The following GRID2 variants were observed in gnomAD, a reference collection of about 807,000 sequenced individuals.
GRID2 encodes the protein glutamate ionotropic receptor delta type subunit 2, also known as glutamate receptor ionotropic, delta-2.
Under a neutral mutation model 114.8 loss-of-function variants are expected in GRID2, and 33 were observed. That is an observed-to-expected ratio of 0.29 (90% confidence interval 0.22 to 0.38). The LOEUF is 0.38. Among genes scored for constraint, GRID2 ranks in the 10% least tolerant of loss-of-function variants. The probability of loss-of-function intolerance (pLI) is 1.00; values close to 1 mark genes in which losing one functional copy is unlikely to be tolerated. For missense variants in GRID2, 1,184 were observed against 1,257.7 expected (o/e 0.94, Z 0.89); for synonymous variants, 505 against 449.9 (o/e 1.12, Z -1.55).
rs1216327324 is a variant in GRID2, at chr4:93,385,650, A to G, written c.1246-9957A>G. Among the ~76,000 whole-genome samples, 8 of 152,210 alleles carry G rather than the reference A, an allele frequency of 5.3e-5. No homozygotes were observed. In the East Asian group the frequency reaches 1.5e-3, roughly 29 times the overall value. On this transcript the variant is annotated intron_variant, in intron 8 of 15. Coordinates refer to ENST00000282020, the MANE Select transcript of GRID2 (RefSeq NM_001510.4). Reference sequence around the variant, plus strand: ...CGTAAGCTTCCCCTTTATAAATATCATTAATCCTTACTAATAATAATACTT... The same window carrying G: ...CGTAAGCTTCCCCTTTATAAATATCGTTAATCCTTACTAATAATAATACTT...
chr4:92,586,407 G>C (rs1048585284), intron 1 of GRID2, among the ~76,000 whole-genome samples: 85 of 146,850 alleles, frequency 5.8e-4, no homozygotes, highest in African/African-American at 2.0e-3. Flanking sequence ...CACACACACA[G>C]ACACCAAGCA....
At chr4:93,587,069 G>T (rs899900270) in intron 13 of GRID2, among the ~76,000 whole-genome samples, 2 of 151,978 alleles carry the variant, frequency 1.3e-5, no homozygotes, top group East Asian at 1.9e-4. Flanking sequence ...TAAAGACTTA[G>T]ATCTCTTCTC....
intron 1 of GRID2, among the ~76,000 whole-genome samples, chr4:93,786,365 G>A (rs1354774606): frequency 6.6e-6 from 1 of 152,150 alleles, no homozygotes; most frequent in Non-Finnish European, 1.5e-5. Context: ...TCCCAGGAGG[G>A]TGTTTGTTTG....
At position 92,399,655 on chromosome 4, in the gene GRID2, CTCTCTCTCTCTA is replaced by C. The variant is rs1487589147; in HGVS notation, c.88+94913_88+94924del. 2.4e-3 allele frequency among the ~76,000 whole-genome samples: 340 copies of C among 139,462 alleles called. 1 individual carries two copies. Among genetic ancestry groups the C allele is most frequent in the African/African-American group, 8.9e-3 (313 of 35,266 alleles). The allele number at this position is 139,462 out of a possible 152,430, so 91.5% of individuals were successfully genotyped here. ...AAAGCAGCTCTCTCTCTCTCTCTCT[CTCTCTCTCTCTA>C]TATATATATATATATATACATACAT... On this transcript the variant is annotated intron_variant, in intron 1 of 15. Transcript: ENST00000282020.
At chr4:93,031,032 A>AT (rs576187018) in intron 2 of GRID2, among the ~76,000 whole-genome samples, 2,260 of 106,188 alleles carry the variant, frequency 0.021, 62 homozygotes, top group Middle Eastern at 0.058. Context: ...TCCAATCTCC[A>AT]TTTTTTTTTT....
intron 1 of GRID2, among the ~76,000 whole-genome samples, chr4:92,391,751 G>T (rs1255964255): frequency 6.6e-6 from 1 of 152,080 alleles, no homozygotes; most frequent in Admixed American, 6.6e-5. Context: ...GATCTTTTTA[G>T]GTCCAACCCC....
rs562120053 is a variant in GRID2 at position 92,578,314 on chromosome 4, C to T, written c.89-11817C>T. Among the ~76,000 whole-genome samples, 8 of 131,830 alleles carry T rather than the reference C, an allele frequency of 6.1e-5. No individual in the cohort carries two copies. In the East Asian group the frequency reaches 2.0e-3, roughly 32 times the overall value. 86.5% of individuals were successfully genotyped at this position (131,830 alleles called of 152,430 possible). A position where few individuals can be genotyped will look rare whatever the true frequency, so the allele number is the denominator to read the frequency against. On this transcript the variant is annotated intron_variant, in intron 1 of 15. Coordinates refer to ENST00000282020, the MANE Select transcript of GRID2 (RefSeq NM_001510.4). ...CCCCAGAGTGTGATGTTCCCCTTCC[C>T]GTGTCCATGTGTTCTCATTGTTCAA... is the stretch of plus-strand genomic sequence containing the variant.
chr4:93,288,151 G>T (rs1366180804), intron 8 of GRID2, among the ~76,000 whole-genome samples: 1 of 152,094 alleles, frequency 6.6e-6, no homozygotes, highest in Non-Finnish European at 1.5e-5. Context: ...ATCCTTAAAT[G>T]ATGTTAAATT....
intron 2 of GRID2, among the ~76,000 whole-genome samples, chr4:92,721,967 T>C (rs1735828406): frequency 6.6e-6 from 1 of 152,174 alleles, no homozygotes; most frequent in Non-Finnish European, 1.5e-5. Flanking sequence ...TGAATCCTTG[T>C]ATCTCTATCA....
At chr4:92,372,440 A>G (rs1398188643) in intron 1 of GRID2, among the ~76,000 whole-genome samples, 9 of 152,326 alleles carry the variant, frequency 5.9e-5, no homozygotes, top group African/African-American at 1.7e-4. Context: ...AACCATTAAC[A>G]TTAAGGCCTG....
intron 2 of GRID2, among the ~76,000 whole-genome samples, chr4:93,013,714 AAG>A (rs968615174): frequency 2.0e-5 from 3 of 151,998 alleles, no homozygotes; most frequent in Non-Finnish European, 2.9e-5. Flanking sequence ...TATTTGCACA[AAG>A]AAGTTACTAG....
At chr4:93,162,511 A>T (rs1020011171) in intron 4 of GRID2, among the ~76,000 whole-genome samples, 1 of 151,892 alleles carries the variant, frequency 6.6e-6, no homozygotes, top group Admixed American at 6.6e-5. Context: ...TGTTTTCTTT[A>T]TATCAGTGTG....
intron 5 of GRID2, among the ~76,000 whole-genome samples, chr4:93,210,172 C>T (rs1560989964): frequency 1.3e-5 from 2 of 151,366 alleles, no homozygotes; most frequent in Non-Finnish European, 3.0e-5. Flanking sequence ...AAATATTTGC[C>T]CATTTATATG....
At chr4:93,377,022 G>T (rs1005481646) in intron 8 of GRID2, among the ~76,000 whole-genome samples, 1 of 152,018 alleles carries the variant, frequency 6.6e-6, no homozygotes, top group Non-Finnish European at 1.5e-5. Flanking sequence ...GTATGATAAT[G>T]GTGTCATGAT....
Position 92,304,601 on chromosome 4 carries a change from G to GAAA in GRID2, c.-46_-44dup. 13 of 1,039,618 alleles carry GAAA rather than the reference G, an allele frequency of 1.3e-5. No homozygotes were observed. Among genetic ancestry groups the GAAA allele is most frequent in the Non-Finnish European group, 1.7e-5 (12 of 707,510 alleles). 64.4% of individuals were successfully genotyped at this position (1,039,618 alleles called of 1,614,324 possible). On this transcript the variant is annotated 5_prime_UTR_variant, in exon 1 of 16. Coordinates refer to ENST00000282020, the MANE Select transcript of GRID2 (RefSeq NM_001510.4). ...TGACCTCAAACTCTTTGGACTGTTT[G>GAAA]AAAAAAAAAAAATTGGAAGAAAATC...
At chr4:93,426,934 G>A (rs1281755398) in intron 10 of GRID2, among the ~76,000 whole-genome samples, 1 of 152,000 alleles carries the variant, frequency 6.6e-6, no homozygotes, top group Non-Finnish European at 1.5e-5. Context: ...TATTAAGCAG[G>A]TGGAGGAGAA....
intron 1 of GRID2, among the ~76,000 whole-genome samples, chr4:92,548,767 C>T (rs1475752731): frequency 6.6e-6 from 1 of 151,984 alleles, no homozygotes; most frequent in African/African-American, 2.4e-5. Context: ...AGCATGGCAG[C>T]ATCTGGTCAT....
intron 2 of GRID2, among the ~76,000 whole-genome samples, chr4:92,852,305 G>C (rs1743874537): frequency 6.6e-6 from 1 of 151,694 alleles, no homozygotes; most frequent in Non-Finnish European, 1.5e-5. Flanking sequence ...GCCAGTTCCA[G>C]TCTTTTCATC....
intron 2 of GRID2, among the ~76,000 whole-genome samples, chr4:92,794,444 A>G (rs1313984790): frequency 6.6e-6 from 1 of 151,888 alleles, no homozygotes; most frequent in East Asian, 1.9e-4. Context: ...TTGTATGGCA[A>G]AATACCAAAA....
Sources: gnomAD v4.1 joint callset for allele counts (sites outside exome capture counted in the v4.1 genomes callset) on GRCh38, gnomAD v4.1.1 for gene constraint, MANE v1.5 for transcripts, NCBI Gene and HGNC (gene_info 2026-07-23, HGNC 2026-07-21) for gene names.